NUP85: variants seen among roughly 807,000 people sequenced by gnomAD.
NUP85 encodes the protein nuclear pore complex protein Nup85.
NUP85 carries 23 observed loss-of-function variants against 92.8 expected under a neutral mutation model. That is an observed-to-expected ratio of 0.25 (90% CI 0.18 to 0.35). The LOEUF is 0.35. Ranked by LOEUF, NUP85 falls within the 10% of genes least tolerant of loss-of-function variation. NUP85 has a pLI of 1.00. For synonymous variants in NUP85, 314 were observed against 306.9 expected (o/e 1.02, Z -0.24); for missense variants, 759 against 822.8 (o/e 0.92, Z 0.95).
intron 5 of NUP85, among the ~76,000 whole-genome samples, chr17:75,215,111 C>G (rs1223525714): frequency 6.6e-6 from 1 of 152,220 alleles, no homozygotes; most frequent in African/African-American, 2.4e-5. Context: ...GCGGAAGTTG[C>G]AGTGAGCCAA....
chr17:75,235,411 A>ATC (rs2076293709), intron 18 of NUP85, 167 bp from the exon 19 acceptor site: 2 of 619,094 alleles, frequency 3.2e-6, no homozygotes, highest in Non-Finnish European at 5.7e-6. Flanking sequence ...TTTGCTGTTC[A>ATC]TCATTTCCAG....
intron 7 of NUP85, 147 bp downstream of exon 7, chr17:75,218,453 C>T: frequency 1.1e-6 from 1 of 941,986 alleles, no homozygotes; most frequent in Admixed American, 2.5e-5. Context: ...TCTTTTCTTC[C>T]CTGCTCTATG....
At chr17:75,219,564 A>G (rs1262892947) in intron 7 of NUP85, among the ~76,000 whole-genome samples, 7 of 152,188 alleles carry the variant, frequency 4.6e-5, no homozygotes, top group African/African-American at 7.2e-5. Context: ...GTGAGCCACC[A>G]TTCCTGGTCA....
At chr17:75,230,921 A>G (rs1350460121) in intron 11 of NUP85, among the ~76,000 whole-genome samples, 3 of 136,784 alleles carry the variant, frequency 2.2e-5, no homozygotes, top group Non-Finnish European at 4.6e-5. Flanking sequence ...CTCCACCTCA[A>G]CTACTTTCTG....
intron 7 of NUP85, among the ~76,000 whole-genome samples, chr17:75,221,594 G>C (rs2075600606): frequency 6.6e-6 from 1 of 152,204 alleles, no homozygotes; most frequent in Non-Finnish European, 1.5e-5. Flanking sequence ...CATCTGTCCA[G>C]TGGAGATAAT....
chr17:75,216,594 A>G (rs1276461318), intron 6 of NUP85, among the ~76,000 whole-genome samples: 1 of 152,112 alleles, frequency 6.6e-6, no homozygotes, highest in African/African-American at 2.4e-5. Flanking sequence ...AACTGTGGTC[A>G]GTATAGTGTC....
In NUP85 at chr17:75,221,703, CTT is replaced by C. The variant is rs537116803; in HGVS notation, c.598-3397_598-3396del. Among the ~76,000 whole-genome samples, 51 of 152,264 alleles carry C rather than the reference CTT, an allele frequency of 3.3e-4. No individual in the cohort carries two copies. The East Asian group carries it at 9.3e-3, about 28-fold the overall frequency. ...CGGTTGATGCACAGTAAAAGCTAGTCTTTTACTTCTAAGCCATATGGGGTGAG... is the reference window on the plus strand; with the variant it reads ...CGGTTGATGCACAGTAAAAGCTAGTCTTACTTCTAAGCCATATGGGGTGAG... On this transcript the variant is annotated intron_variant, in intron 7 of 18. Coordinates refer to ENST00000245544, the MANE Select transcript of NUP85 (RefSeq NM_024844.5).
rs1309500449 is a variant in NUP85 at position 75,224,984 on chromosome 17, AAAG to A, written c.598-115_598-113del. On this transcript the variant is annotated intron_variant, in intron 7 of 18. Transcript: ENST00000245544. Reference sequence around the variant, plus strand: ...CTTCCCAGGGCAGACTCAGGTGCAGAAAGAAGCCTGTGTGTGAAGAGTTAAAAA... The same window carrying A: ...CTTCCCAGGGCAGACTCAGGTGCAGAAAGCCTGTGTGTGAAGAGTTAAAAA... The A allele has an allele frequency of 3.3e-5, 34 of 1,016,130 alleles. No homozygotes were observed. In the Admixed American group the frequency reaches 9.6e-4, roughly 29 times the overall value. The allele number at this position is 1,016,130 out of a possible 1,614,324, so 62.9% of individuals were successfully genotyped here.
rs781666441 is a variant in NUP85, at chr17:75,215,813, A to G, written c.465A>G (p.Glu155=). The change falls in exon 6 of 19, where the codon GAA becomes GAG. Residue 155 remains glutamate, a synonymous_variant. Coordinates refer to ENST00000245544, the MANE Select transcript of NUP85 (RefSeq NM_024844.5). ...IWNLCEILFI[E]VAPAGPLLLH... The stretch of plus-strand genomic sequence containing the variant: ...ACCTGTGTGAGATTCTTTTTATTGA[A>G]GTGGCCCCAGGTAGGCATGGAATAT... 1 of 1,613,874 alleles carries G rather than the reference A, an allele frequency of 6.2e-7. No individual in the cohort carries two copies. Among genetic ancestry groups the G allele is most frequent in the East Asian group, 2.2e-5 (1 of 44,878 alleles).
intron 7 of NUP85, among the ~76,000 whole-genome samples, chr17:75,221,282 G>GCT (rs1347223107): frequency 3.3e-5 from 5 of 151,974 alleles, no homozygotes; most frequent in African/African-American, 7.3e-5. Flanking sequence ...GGGATTATAG[G>GCT]CTCTCGCCAT....
chr17:75,228,168 A>G, intron 11 of NUP85: 1 of 985,106 alleles, frequency 1.0e-6, no homozygotes, highest in Non-Finnish European at 1.2e-6. Context: ...ATTTTTAGGA[A>G]TAAAACAGAT....
rs1302500828 is a variant in NUP85, at chr17:75,231,468, C to T, written c.1178+45C>T. ...CGATCCTCCTCTTCTTACCACCAGGCCCCCGAGGGTGGTGTGAACTGAATG... is the reference window on the plus strand; with the variant it reads ...CGATCCTCCTCTTCTTACCACCAGGTCCCCGAGGGTGGTGTGAACTGAATG... On this transcript the variant is annotated intron_variant, in intron 12 of 18. Transcript: ENST00000245544. The surrounding 1 kb of genome is among the most constrained non-coding windows in gnomAD (Gnocchi z 4.6). The T allele has an allele frequency of 6.8e-6, 11 of 1,607,506 alleles. No homozygotes were observed. The highest frequency in any genetic ancestry group is 5.0e-5 in the Admixed American group (3 of 60,014).
At position 75,210,132 on chromosome 17, in the gene NUP85, G is replaced by A. The variant is rs1009704590; in HGVS notation, c.290+147G>A. The A allele has an allele frequency of 1.0e-5, 7 of 673,946 alleles. No homozygotes were observed. The African/African-American group carries it at 1.1e-4, about 11-fold the overall frequency. 41.7% of individuals were successfully genotyped at this position (673,946 alleles called of 1,614,324 possible). A position where few individuals can be genotyped will look rare whatever the true frequency, so the allele number is the denominator to read the frequency against. On this transcript the variant is annotated intron_variant, in intron 3 of 18. Transcript: ENST00000245544. ...AGTTGAGGCATGAGTACTGGACAGT[G>A]TACATTAGCAGTGATGGGAAGACTT...
intron 6 of NUP85, among the ~76,000 whole-genome samples, chr17:75,217,137 A>C (rs1169056855): frequency 6.6e-6 from 1 of 152,018 alleles, no homozygotes; most frequent in Non-Finnish European, 1.5e-5. Flanking sequence ...ATCACAGCTC[A>C]GAAGCCTCGA....
chr17:75,222,036 TTTTGTTTTG>T (rs1039702741), intron 7 of NUP85, among the ~76,000 whole-genome samples: 1 of 87,930 alleles, frequency 1.1e-5, no homozygotes, highest in Non-Finnish European at 3.1e-5. Flanking sequence ...TGTGTGTGTG[TTTTGTTTTG>T]TTTGTTTGTT....
chr17:75,213,804 T>G (rs1335217444), intron 5 of NUP85, among the ~76,000 whole-genome samples: 1 of 151,840 alleles, frequency 6.6e-6, no homozygotes, highest in African/African-American at 2.4e-5. Flanking sequence ...TCCTCCTGCC[T>G]TGGCCTCCCA....
chr17:75,207,440 C>G (rs896405528), intron 1 of NUP85, among the ~76,000 whole-genome samples: 16 of 152,034 alleles, frequency 1.1e-4, no homozygotes, highest in African/African-American at 3.9e-4. Flanking sequence ...CGGCCTCAGT[C>G]TCCCAAAGTG....
intron 4 of NUP85, 22 bp from the exon 5 acceptor site, chr17:75,213,054 A>G: frequency 6.2e-7 from 1 of 1,609,508 alleles, no homozygotes; most frequent in Non-Finnish European, 8.5e-7. Context: ...TTGCTCACTT[A>G]AAATGTTTTG....
chr17:75,234,998 T>C (rs2076275397), intron 17 of NUP85, 102 bp from the exon 18 acceptor site: 4 of 1,076,094 alleles, frequency 3.7e-6, no homozygotes, highest in South Asian at 2.5e-5. Context: ...AGCACACTAT[T>C]GCGAAGGGTA....
Sources: gnomAD v4.1 joint callset for allele counts (sites outside exome capture counted in the v4.1 genomes callset) on GRCh38, gnomAD v4.1.1 for gene constraint, Gnocchi (gnomAD v3.1) non-coding constraint, MANE v1.5 for transcripts, NCBI Gene and HGNC (gene_info 2026-07-23, HGNC 2026-07-21) for gene names.